Variants in SEC11A observed in about 807,000 individuals in gnomAD.
SEC11A encodes SEC11 homolog A, signal peptidase complex subunit, also known as signal peptidase complex catalytic subunit SEC11A.
In SEC11A, 14 loss-of-function variants were observed where a neutral mutation model predicts 25.6. The observed-to-expected ratio is 0.55, with a 90% CI of 0.36 to 0.85. The LOEUF is 0.85. Ranked by LOEUF, SEC11A falls within the 40% of genes least tolerant of loss-of-function variation. SEC11A has a pLI of 0.01. For synonymous variants in SEC11A, 83 were observed against 76.4 expected, an observed-to-expected ratio of 1.09 and a Z score of -0.45; for missense variants, 153 against 222.9, an observed-to-expected ratio of 0.69 and a Z score of 2.00.
intron 1 of SEC11A, among the ~76,000 whole-genome samples, chr15:84,702,594 G>A (rs1418112203): frequency 6.6e-6 from 1 of 150,876 alleles, no homozygotes; most frequent in Non-Finnish European, 1.5e-5. Flanking sequence ...ACAAGCAACA[G>A]TGCCCAGTTT....
intron 3 of SEC11A, among the ~76,000 whole-genome samples, chr15:84,682,095 G>T (rs1451611899): frequency 6.6e-6 from 1 of 152,008 alleles, no homozygotes; most frequent in Non-Finnish European, 1.5e-5. Context: ...GGGAAGAGGT[G>T]GGAGTAGAGA....
intron 1 of SEC11A, among the ~76,000 whole-genome samples, chr15:84,697,532 A>G (rs1897803249): frequency 1.3e-5 from 2 of 152,194 alleles, no homozygotes; most frequent in African/African-American, 4.8e-5. Flanking sequence ...TCAATCTGCA[A>G]GCCAAAACCT....
At chr15:84,694,151 A>T (rs928190186) in intron 1 of SEC11A, among the ~76,000 whole-genome samples, 3 of 151,554 alleles carry the variant, frequency 2.0e-5, no homozygotes, top group Admixed American at 2.0e-4. Context: ...GGCCAGAAGT[A>T]GGAGACCAGC....
chr15:84,688,467 A>T (rs1897494600), intron 2 of SEC11A, among the ~76,000 whole-genome samples: 1 of 152,202 alleles, frequency 6.6e-6, no homozygotes, highest in African/African-American at 2.4e-5. Flanking sequence ...ATCCTACGCC[A>T]AGTGCTGAAA....
At chr15:84,679,912 C>A (rs893702213) in intron 4 of SEC11A, 3 of 1,510,738 alleles carry the variant, frequency 2.0e-6, no homozygotes, top group Non-Finnish European at 2.7e-6. Flanking sequence ...TGCCATACTT[C>A]CTTAATACCA....
intron 2 of SEC11A, among the ~76,000 whole-genome samples, chr15:84,689,029 CAAA>C (rs71453259): frequency 4.8e-4 from 46 of 95,124 alleles, no homozygotes; most frequent in Non-Finnish European, 6.1e-4. Flanking sequence ...GACTCTGTCT[CAAA>C]AAAAAAAAAA....
At chr15:84,693,347 CA>C (rs373482336) in intron 1 of SEC11A, among the ~76,000 whole-genome samples, 2,715 of 118,064 alleles carry the variant, frequency 0.023, 53 homozygotes, top group African/African-American at 0.056. Flanking sequence ...GATCTTGGTT[CA>C]AAAAAAAAAA....
At chr15:84,700,937 G>C (rs184527745) in intron 1 of SEC11A, among the ~76,000 whole-genome samples, 1 of 132,408 alleles carries the variant, frequency 7.6e-6, no homozygotes, top group Non-Finnish European at 1.5e-5. Context: ...CCGACATCAC[G>C]CCATTGCATG....
intron 4 of SEC11A, chr15:84,671,983 C>T (rs1567032062): frequency 2.6e-5 from 4 of 152,330 alleles, no homozygotes; most frequent in African/African-American, 7.2e-5. Context: ...CCTCTTCTAT[C>T]GCTGGACTCC....
rs1896934204 is a variant in SEC11A, at chr15:84,669,872, C to A, written c.*147G>T. The A allele has an allele frequency of 1.3e-6, 2 of 1,483,100 alleles. No individual in the cohort carries two copies. The highest frequency in any genetic ancestry group is 1.8e-6 in the Non-Finnish European group (2 of 1,091,986). 91.9% of individuals were successfully genotyped at this position (1,483,100 alleles called of 1,614,324 possible). ...ATGCGCCCGCCCACACAAACTCTGG[C>A]ATGGAAACATAAACTAATGCAAACC... On this transcript the variant is annotated 3_prime_UTR_variant, in exon 6 of 6. Coordinates refer to ENST00000268220, the MANE Select transcript of SEC11A (RefSeq NM_014300.4).
At chr15:84,689,147 T>C (rs1297609493) in intron 2 of SEC11A, among the ~76,000 whole-genome samples, 1 of 151,532 alleles carries the variant, frequency 6.6e-6, no homozygotes, top group Non-Finnish European at 1.5e-5. Context: ...GGGGGGAGGA[T>C]CACTTGAGAT....
In SEC11A at chr15:84,676,786, C is replaced by CA. The variant is rs199559166; in HGVS notation, c.431+3926dup. ...GGGCAACAAGAGCAAAACTCCATCT[C>CA]AAAAAAAAAAAAAGCATAAAGGAAG... On this transcript the variant is annotated intron_variant, in intron 4 of 5. Transcript: ENST00000268220. Among the ~76,000 whole-genome samples, 167 of 120,650 alleles carry CA rather than the reference C, an allele frequency of 1.4e-3. 1 individual carries two copies. Among genetic ancestry groups the CA allele is most frequent in the African/African-American group, 2.0e-3 (65 of 32,076 alleles). The allele number at this position is 120,650 out of a possible 152,430, so 79.2% of individuals were successfully genotyped here.
Position 84,670,049 on chromosome 15 carries a change from C to T in SEC11A, c.510G>A (p.Leu170=), listed in dbSNP as rs753294438. 1.9e-6 allele frequency: 3 copies of T among 1,613,148 alleles called. No homozygotes were observed. The highest frequency in any genetic ancestry group is 2.5e-6 in the Non-Finnish European group (3 of 1,179,580). Residue 170 remains leucine, a synonymous_variant, in exon 6 of 6, where the codon CTG becomes CTA. Transcript: ENST00000268220. ...PKFKYAVLFL[L]GLFVLVHRE ...CACGATGAACCAGCACGAATAAACC[C>T]AGCAAAAAGAGAACTGCATACTAGA...
At chr15:84,689,178 T>C (rs950955663) in intron 2 of SEC11A, among the ~76,000 whole-genome samples, 4 of 151,936 alleles carry the variant, frequency 2.6e-5, no homozygotes, top group African/African-American at 9.7e-5. Context: ...AGACTCAGTC[T>C]CTGTAAAAAA....
At chr15:84,713,147 T>C (rs947335816) in intron 1 of SEC11A, among the ~76,000 whole-genome samples, 4 of 150,950 alleles carry the variant, frequency 2.6e-5, no homozygotes, top group African/African-American at 4.9e-5. Flanking sequence ...TGAGTCAAGA[T>C]TGCACTACTG....
intron 1 of SEC11A, among the ~76,000 whole-genome samples, chr15:84,700,584 A>G (rs1355261445): frequency 1.8e-5 from 2 of 108,340 alleles, no homozygotes; most frequent in Admixed American, 1.2e-4. Context: ...ACAGAGGAAG[A>G]CTCTGTCTCA....
At chr15:84,685,722 C>G (rs1897400305) in intron 3 of SEC11A, among the ~76,000 whole-genome samples, 2 of 150,564 alleles carry the variant, frequency 1.3e-5, no homozygotes, top group South Asian at 4.2e-4. Context: ...TGAGAATGAA[C>G]AACACAAATC....
intron 4 of SEC11A, chr15:84,679,905 C>A: frequency 6.7e-7 from 1 of 1,489,680 alleles, no homozygotes; most frequent in Non-Finnish European, 9.0e-7. Context: ...GCAACAATGC[C>A]ATACTTCCTT....
In SEC11A at chr15:84,672,952, C is replaced by T. The variant is rs574256017; in HGVS notation, c.432-2170G>A. On this transcript the variant is annotated intron_variant, in intron 4 of 5. Transcript: ENST00000268220. ...GAGGTGAGGAGCGTCTCTGCCCGGC[C>T]GCCCCGTCTGAGAAGTGAGGAGACC... is the stretch of plus-strand genomic sequence containing the variant. 882 of 229,398 alleles carry T rather than the reference C, an allele frequency of 3.8e-3. 3 individuals carry two copies. Among genetic ancestry groups the T allele is most frequent in the African/African-American group, 0.019 (797 of 41,788 alleles). The allele number at this position is 229,398 out of a possible 1,614,324, so 14.2% of individuals were successfully genotyped here. A position where few individuals can be genotyped will look rare whatever the true frequency, so the allele number is the denominator to read the frequency against.
Sources: allele counts gnomAD v4.1 joint callset (sites outside exome capture counted in the v4.1 genomes callset), GRCh38; gene constraint gnomAD v4.1.1; transcripts MANE v1.5; gene names NCBI Gene and HGNC (gene_info 2026-07-23, HGNC 2026-07-21).